Variants in ADH4 observed in about 807,000 individuals in gnomAD.
ADH4 encodes alcohol dehydrogenase 4 (class II), pi polypeptide, also known as all-trans-retinol dehydrogenase [NAD(+)] ADH4.
A neutral mutation model predicts 35.2 loss-of-function variants in ADH4; 31 were observed. The ratio of observed to expected loss-of-function variants is 0.88; its 90% CI spans 0.66 to 1.19. ADH4 has a LOEUF of 1.19. Among genes scored for constraint, ADH4 ranks in the 50% most tolerant of loss-of-function variants. The pLI, the probability that ADH4 is intolerant of heterozygous loss-of-function variation, is 0.00. For missense variants in ADH4, 476 were observed against 458.3 expected (o/e 1.04, Z -0.35); for synonymous variants, 171 against 160.2 (o/e 1.07, Z -0.51).
chr4:99,127,212 C>G lies in ADH4; in HGVS notation c.976G>C (p.Gly326Arg). The stretch of plus-strand genomic sequence containing the variant: ...TATGAAGAAAAAAAAAACTGACCAC[C>G]AAAGAATGTTCCATTTATAGTACGG... ...IGRTINGTFF[G>R]GWKSVDSIPK... The change falls in exon 7 of 9, where the codon GGT (glycine) becomes CGT (arginine). Residue 326 changes from glycine to arginine, a missense_variant. Gly to Arg is a moderately radical substitution (Grantham distance 125). Coordinates refer to ENST00000265512, the MANE Select transcript of ADH4 (RefSeq NM_000670.5). 1 of 1,596,916 alleles carries G rather than the reference C, an allele frequency of 6.3e-7. No homozygotes were observed. The highest frequency in any genetic ancestry group is 8.5e-7 in the Non-Finnish European group (1 of 1,173,834).
Position 99,124,328 on chromosome 4 carries a change from A to G in ADH4, c.*114T>C, listed in dbSNP as rs29001238. ...AAAGCTCTTTTATGTTCCCATATTAAATGTAAATATTTGTTTAAACTCATG... is the reference window on the plus strand; with the variant it reads ...AAAGCTCTTTTATGTTCCCATATTAGATGTAAATATTTGTTTAAACTCATG... On this transcript the variant is annotated 3_prime_UTR_variant, in exon 9 of 9. Coordinates refer to ENST00000265512, the MANE Select transcript of ADH4 (RefSeq NM_000670.5). 5.6e-6 allele frequency: 4 copies of G among 717,526 alleles called. No homozygotes were observed. The East Asian group carries it at 1.2e-4, about 21-fold the overall frequency. 44.4% of individuals were successfully genotyped at this position (717,526 alleles called of 1,614,324 possible).
At chr4:99,137,762 T>C (rs1237663212) in intron 4 of ADH4, among the ~76,000 whole-genome samples, 3 of 152,188 alleles carry the variant, frequency 2.0e-5, no homozygotes, top group Non-Finnish European at 4.4e-5. Context: ...CATCTATTAT[T>C]CCTCCACAAT....
intron 6 of ADH4, 129 bp downstream of exon 6, chr4:99,131,375 T>A (rs1313220534): frequency 9.5e-7 from 1 of 1,055,798 alleles, no homozygotes; most frequent in East Asian, 2.6e-5. Flanking sequence ...GATTTGTGGC[T>A]TATAGTTCTA....
intron 2 of ADH4, among the ~76,000 whole-genome samples, chr4:99,141,996 C>T (rs6848576): frequency 0.96 from 146,063 of 152,312 alleles, 70,055 homozygotes; most frequent in East Asian, 1. Context: ...TGAGGTAATA[C>T]ACCTTTTACA....
rs1729528180 is a variant in ADH4 at position 99,138,974 on chromosome 4, C to T, written c.350+87G>A. The T allele has an allele frequency of 4.2e-6, 4 of 942,012 alleles. 1 individual carries two copies. The highest frequency in any genetic ancestry group is 3.4e-5 in the South Asian group (2 of 59,526). The allele number at this position is 942,012 out of a possible 1,614,324, so 58.4% of individuals were successfully genotyped here. A position where few individuals can be genotyped will look rare whatever the true frequency, so the allele number is the denominator to read the frequency against. ...GAATTAGTGGGTGGAAGGTTTGCAC[C>T]TCTTCAAGGCCATTTAGGTAATGTC... On this transcript the variant is annotated intron_variant, in intron 4 of 8. Coordinates refer to ENST00000265512, the MANE Select transcript of ADH4 (RefSeq NM_000670.5).
At chr4:99,142,033 A>C (rs531376199) in intron 2 of ADH4, among the ~76,000 whole-genome samples, 1 of 152,310 alleles carries the variant, frequency 6.6e-6, no homozygotes, top group African/African-American at 2.4e-5. Flanking sequence ...CAAATCAAGG[A>C]TTGTCTGAAT....
chr4:99,124,313 T>C lies in ADH4; in HGVS notation c.*129A>G, dbSNP rs1729009714. 3 of 663,226 alleles carry C rather than the reference T, an allele frequency of 4.5e-6. No homozygotes were observed. The highest frequency in any genetic ancestry group is 7.9e-6 in the Non-Finnish European group (3 of 382,158). 41.1% of individuals were successfully genotyped at this position (663,226 alleles called of 1,614,324 possible). A position where few individuals can be genotyped will look rare whatever the true frequency, so the allele number is the denominator to read the frequency against. Reference sequence around the variant, plus strand: ...AAGTCTATAATATTTAAAGCTCTTTTATGTTCCCATATTAAATGTAAATAT... The same window carrying C: ...AAGTCTATAATATTTAAAGCTCTTTCATGTTCCCATATTAAATGTAAATAT... On this transcript the variant is annotated 3_prime_UTR_variant, in exon 9 of 9. Coordinates refer to ENST00000265512, the MANE Select transcript of ADH4 (RefSeq NM_000670.5).
intron 6 of ADH4, among the ~76,000 whole-genome samples, chr4:99,127,978 C>A (rs1729150952): frequency 1.3e-5 from 2 of 151,248 alleles, no homozygotes; most frequent in South Asian, 2.1e-4. Flanking sequence ...AGACTGTAAA[C>A]CCAGCCAAAT....
intron 5 of ADH4, among the ~76,000 whole-genome samples, chr4:99,132,568 C>T (rs1729318752): frequency 6.6e-6 from 1 of 152,016 alleles, no homozygotes; most frequent in South Asian, 2.1e-4. Flanking sequence ...AAGGCAGAAA[C>T]TTTTTAAATT....
intron 4 of ADH4, among the ~76,000 whole-genome samples, chr4:99,137,138 T>A (rs140027564): frequency 1.7e-5 from 2 of 115,768 alleles, no homozygotes; most frequent in South Asian, 2.4e-4. Flanking sequence ...TATTATTATT[T>A]TTTTTTTGAG....
Position 99,136,558 on chromosome 4 carries a change from C to T in ADH4, c.490G>A (p.Ala164Thr), listed in dbSNP as rs1389202894. ...QYTVVSDINL[A>T]KIDDDANLER... is the part of the protein sequence containing the mutation. The stretch of plus-strand genomic sequence containing the variant: ...AAATTTGCATCATCATCTATTTTGG[C>T]AAGATTGATATCTGACACCACAGTG... Residue 164 changes from alanine (A) to threonine (T), a missense_variant, in exon 5 of 9, where the codon GCC becomes ACC. Transcript: ENST00000265512. 1.2e-6 allele frequency: 2 copies of T among 1,614,076 alleles called. No homozygotes were observed. Among genetic ancestry groups the T allele is most frequent in the Non-Finnish European group, 1.7e-6 (2 of 1,180,002 alleles).
intron 5 of ADH4, among the ~76,000 whole-genome samples, chr4:99,134,380 G>GTACA (rs1553955768): frequency 6.6e-6 from 1 of 151,628 alleles, no homozygotes; most frequent in Admixed American, 6.6e-5. Context: ...ATTCTACAGT[G>GTACA]TATATATATA....
intron 5 of ADH4, among the ~76,000 whole-genome samples, chr4:99,132,190 T>G (rs1729301578): frequency 6.6e-6 from 1 of 152,210 alleles, no homozygotes; most frequent in Non-Finnish European, 1.5e-5. Context: ...ATCACCAGTT[T>G]GGAATGAAGT....
chr4:99,131,868 C>T (rs1404367572), intron 5 of ADH4, 104 bp from the exon 6 acceptor site: 4 of 1,277,064 alleles, frequency 3.1e-6, no homozygotes, highest in Non-Finnish European at 4.2e-6. Flanking sequence ...GAATTAAAGA[C>T]AGCCTGCTAT....
intron 8 of ADH4, 102 bp downstream of exon 8, chr4:99,126,492 A>C (rs1285320758): frequency 1.2e-5 from 15 of 1,250,212 alleles, no homozygotes; most frequent in Non-Finnish European, 1.7e-5. Context: ...TGGGATGTGG[A>C]AAATGTCAGA....
At position 99,131,546 on chromosome 4, in the gene ADH4, A is replaced by T. The variant is rs756624736; in HGVS notation, c.801T>A (p.Gly267=). The T allele has an allele frequency of 6.2e-7, 1 of 1,613,904 alleles. No homozygotes were observed. The highest frequency in any genetic ancestry group is 8.5e-7 in the Non-Finnish European group (1 of 1,179,966). Residue 267 remains glycine, a synonymous_variant, in exon 6 of 9, where the codon GGT becomes GGA. Transcript: ENST00000265512. ...QEVIIELTKG[G]VDFALDCAGG... Reference sequence around the variant, plus strand: ...CTGCACAGTCAAGGGCAAAATCCACACCTCCCTTGGTCAATTCAATGATAA... The same window carrying T: ...CTGCACAGTCAAGGGCAAAATCCACTCCTCCCTTGGTCAATTCAATGATAA...
chr4:99,143,233 A>G (rs752166322), intron 1 of ADH4: 2 of 701,964 alleles, frequency 2.8e-6, no homozygotes, highest in South Asian at 3.0e-5. Flanking sequence ...TGGTCCTCGG[A>G]CAAGCATTTA....
chr4:99,128,630 G>A (rs1729171708), intron 6 of ADH4, among the ~76,000 whole-genome samples: 1 of 152,030 alleles, frequency 6.6e-6, no homozygotes, highest in African/African-American at 2.4e-5. Context: ...GGATATGTGA[G>A]TCATTTCCAA....
At chr4:99,124,956 A>G in intron 8 of ADH4, among the ~76,000 whole-genome samples, 1 of 152,178 alleles carries the variant, frequency 6.6e-6, no homozygotes, top group East Asian at 1.9e-4. Context: ...AGCAGTCTTT[A>G]TCTCAAACAT....
Sources: allele counts gnomAD v4.1 joint callset (sites outside exome capture counted in the v4.1 genomes callset), GRCh38; gene constraint gnomAD v4.1.1; transcripts MANE v1.5; gene names NCBI Gene and HGNC (gene_info 2026-07-23, HGNC 2026-07-21).